The following FRMPD4 variants were observed in gnomAD, a reference collection of about 807,000 sequenced individuals.
The protein encoded by FRMPD4 is FERM and PDZ domain containing 4.
FRMPD4 carries 22 observed loss-of-function variants against 94.1 expected under a neutral mutation model. The ratio of observed to expected loss-of-function variants is 0.23; its 90% CI spans 0.17 to 0.33. The LOEUF (loss-of-function observed/expected upper bound fraction) is 0.33, where lower values mean the gene tolerates loss of function less well. Ranked by LOEUF, FRMPD4 falls within the 10% of genes least tolerant of loss-of-function variation. The pLI is 1.00. For synonymous variants in FRMPD4, 631 were observed against 548.6 expected (o/e 1.15, Z -2.10); for missense variants, 1,111 against 1,339.9 (o/e 0.83, Z 2.67).
chrX:12,616,073 G>A (rs951163131), intron 4 of FRMPD4, among the ~76,000 whole-genome samples: 8 of 111,069 alleles, frequency 7.2e-5, no homozygotes, highest in African/African-American at 2.6e-4. Flanking sequence ...ATGTCCCAGG[G>A]AAACTCTGGA....
intron 1 of FRMPD4, among the ~76,000 whole-genome samples, chrX:12,152,734 C>G (rs1012926107): frequency 4.5e-5 from 5 of 110,551 alleles, no homozygotes; most frequent in Non-Finnish European, 9.5e-5. Context: ...ATAACTTTTA[C>G]TAGCAAATTA....
At chrX:12,316,862 C>T (rs1466728542) in intron 1 of FRMPD4, among the ~76,000 whole-genome samples, 1 of 110,951 alleles carries the variant, frequency 9.0e-6, no homozygotes, top group Non-Finnish European at 1.9e-5. Context: ...TTAGGATGCA[C>T]TGATCACACT....
chrX:12,184,685 G>A (rs1214303789), intron 1 of FRMPD4, among the ~76,000 whole-genome samples: 4 of 112,044 alleles, frequency 3.6e-5, no homozygotes, highest in African/African-American at 1.3e-4. Flanking sequence ...AAACATGGAT[G>A]GAACTGGAGG....
chrX:11,982,915 C>T (rs2054404708), intron 3 of FRMPD4, among the ~76,000 whole-genome samples: 1 of 111,630 alleles, frequency 9.0e-6, no homozygotes, highest in Non-Finnish European at 1.9e-5. Context: ...TTTCTGCTGA[C>T]TCTTACTCAT....
At chrX:12,427,681 C>T (rs1321754959) in intron 1 of FRMPD4, among the ~76,000 whole-genome samples, 2 of 110,959 alleles carry the variant, frequency 1.8e-5, no homozygotes, top group Admixed American at 9.5e-5. Context: ...TACTAAAGGG[C>T]TTATGACCTC....
intron 1 of FRMPD4, among the ~76,000 whole-genome samples, chrX:12,271,860 C>A (rs2054358957): frequency 8.9e-6 from 1 of 112,095 alleles, no homozygotes; most frequent in Non-Finnish European, 1.9e-5. Context: ...GATTCTCATG[C>A]ATTAGGTCTG....
intron 2 of FRMPD4, among the ~76,000 whole-genome samples, chrX:12,563,273 C>CACACACAT (rs759425109): frequency 2.1e-4 from 23 of 110,523 alleles, no homozygotes; most frequent in African/African-American, 7.3e-4. Context: ...CACACACACA[C>CACACACAT]ATACCAGACC....
chrX:12,379,642 C>CATGTGTGT (rs775017261), intron 1 of FRMPD4, among the ~76,000 whole-genome samples: 6 of 89,972 alleles, frequency 6.7e-5, no homozygotes, highest in African/African-American at 1.2e-4. Flanking sequence ...GATATGCTGC[C>CATGTGTGT]GTGTGTGTGT....
chrX:12,561,847 CG>C (rs2045336719), intron 2 of FRMPD4, among the ~76,000 whole-genome samples: 1 of 112,166 alleles, frequency 8.9e-6, no homozygotes, highest in Non-Finnish European at 1.9e-5. Context: ...GGCTCATATT[CG>C]GGGATAGCAA....
chrX:12,100,183 T>C (rs1162146556), intron 3 of FRMPD4, among the ~76,000 whole-genome samples: 2 of 112,256 alleles, frequency 1.8e-5, no homozygotes, highest in Non-Finnish European at 3.8e-5. Context: ...AGAGTTAGTA[T>C]ACTTAAACCT....
At chrX:12,261,936 CT>C (rs1394639894) in intron 1 of FRMPD4, among the ~76,000 whole-genome samples, 1 of 111,968 alleles carries the variant, frequency 8.9e-6, no homozygotes, top group Non-Finnish European at 1.9e-5. Flanking sequence ...TGTAAAATAA[CT>C]TTTTAAATCT....
At chrX:12,058,670 A>G (rs1469130223) in intron 3 of FRMPD4, among the ~76,000 whole-genome samples, 2 of 111,469 alleles carry the variant, frequency 1.8e-5, no homozygotes, top group African/African-American at 6.5e-5. Context: ...TAAAATTATT[A>G]TATGTGATTA....
At chrX:12,167,443 T>C in intron 1 of FRMPD4, among the ~76,000 whole-genome samples, 1 of 111,659 alleles carries the variant, frequency 9.0e-6, no homozygotes, top group Non-Finnish European at 1.9e-5. Flanking sequence ...TCTAAGAATA[T>C]GGGGAAAATT....
intron 1 of FRMPD4, among the ~76,000 whole-genome samples, chrX:12,416,858 G>C (rs2056808182): frequency 8.9e-6 from 1 of 111,749 alleles, no homozygotes; most frequent in Middle Eastern, 4.6e-3. Context: ...CATACATTTT[G>C]TCTGTCTTTC....
chrX:12,717,748 G>A lies in FRMPD4; in HGVS notation c.2922G>A (p.Arg974=). The change falls in exon 16 of 17, where the codon AGG becomes AGA. Residue 974 remains arginine (R), a synonymous_variant. Transcript: ENST00000675598. ...AGTCCTCGCACGCCCTGGCTGCTAG[G>A]CCAGCAACCGACCTCCCGCCCAAAG... is the stretch of plus-strand genomic sequence containing the variant. The part of the protein sequence containing the change: ...PPKSSHALAA[R]PATDLPPKVV... 1 of 1,211,812 alleles carries A rather than the reference G, an allele frequency of 8.3e-7. No individual in the cohort carries two copies. The highest frequency in any genetic ancestry group is 1.8e-5 in the South Asian group (1 of 57,002).
chrX:11,914,126 CAGA>C (rs2054010642), intron 3 of FRMPD4, among the ~76,000 whole-genome samples: 1 of 111,404 alleles, frequency 9.0e-6, no homozygotes, highest in Admixed American at 9.6e-5. Context: ...TCCAGATTTA[CAGA>C]AGGTTCATAG....
chrX:12,174,310 A>G (rs67929328), intron 1 of FRMPD4, among the ~76,000 whole-genome samples: 30,549 of 111,098 alleles, frequency 0.27, 3,238 homozygotes, highest in Non-Finnish European at 0.35. Context: ...TTAAAAGTGT[A>G]AAAACCATCC....
intron 3 of FRMPD4, among the ~76,000 whole-genome samples, chrX:12,085,068 T>C (rs1309297920): frequency 8.9e-6 from 1 of 111,883 alleles, no homozygotes; most frequent in East Asian, 2.8e-4. Flanking sequence ...ACAAGATAGA[T>C]ACTAATCTCA....
intron 3 of FRMPD4, among the ~76,000 whole-genome samples, chrX:12,013,389 GT>G (rs1449603470): frequency 8.9e-6 from 1 of 111,893 alleles, no homozygotes; most frequent in Admixed American, 9.5e-5. Flanking sequence ...CCACTGTGGG[GT>G]ACATGGTAAG....
Sources: allele counts gnomAD v4.1 joint callset (sites outside exome capture counted in the v4.1 genomes callset), GRCh38; gene constraint gnomAD v4.1.1; transcripts MANE v1.5; gene names NCBI Gene and HGNC (gene_info 2026-07-23, HGNC 2026-07-21).